DNAH1: variants seen among roughly 807,000 people sequenced by gnomAD.
DNAH1 encodes the protein dynein axonemal heavy chain 1, also known as axonemal beta dynein heavy chain 1.
DNAH1 carries 327 observed loss-of-function variants against 484.3 expected under a neutral mutation model. The ratio of observed to expected loss-of-function variants is 0.68; its 90% CI spans 0.62 to 0.74. DNAH1 has a LOEUF of 0.74. Among genes scored for constraint, DNAH1 ranks in the 30% least tolerant of loss-of-function variants. DNAH1 has a pLI of 0.00. For missense variants in DNAH1, 5,052 were observed against 5,546.8 expected (o/e 0.91, Z 2.83); for synonymous variants, 2,192 against 2,191.9 (o/e 1.00, Z 0.00).
chr3:52,388,541 A>G lies in DNAH1; in HGVS notation c.9295A>G (p.Ile3099Val), dbSNP rs749320034. Reference protein sequence around the residue: ...ATMQAKYRECITKKEELELKC... With the variant: ...ATMQAKYRECVTKKEELELKC... ...AATGCAGGCTAAGTACCGGGAATGC[A>G]TTACCAAGAAGGAGGAGCTGGAGCT... is the stretch of plus-strand genomic sequence containing the variant. Residue 3099 changes from isoleucine to valine, a missense_variant, in exon 58 of 78, where the codon ATT (isoleucine) becomes GTT (valine). Physicochemically the swap from Ile to Val is conservative, Grantham distance 29 (BLOSUM62 3). Coordinates refer to ENST00000420323, the MANE Select transcript of DNAH1 (RefSeq NM_015512.5). The G allele has an allele frequency of 4.3e-6, 7 of 1,613,152 alleles. No homozygotes were observed. The highest frequency in any genetic ancestry group is 1.6e-4 in the Middle Eastern group (1 of 6,062).
At chr3:52,385,058 C>T in intron 53 of DNAH1, 81 bp downstream of exon 53, 1 of 1,445,214 alleles carries the variant, frequency 6.9e-7, no homozygotes, top group Non-Finnish European at 9.3e-7. Flanking sequence ...CAGGGTGACA[C>T]CATGCTCCGC....
chr3:52,391,686 A>T, intron 63 of DNAH1, 83 bp downstream of exon 63: 1 of 1,529,898 alleles, frequency 6.5e-7, no homozygotes, highest in Non-Finnish European at 8.9e-7. Flanking sequence ...CCAGGCCGGG[A>T]GTCAGTGGGA....
At position 52,331,265 on chromosome 3, in the gene DNAH1, A is replaced by G; in HGVS notation, c.989A>G (p.Asp330Gly). 1 of 1,611,272 alleles carries G rather than the reference A, an allele frequency of 6.2e-7. No individual in the cohort carries two copies. The highest frequency in any genetic ancestry group is 8.5e-7 in the Non-Finnish European group (1 of 1,178,832). Residue 330 changes from aspartate (D) to glycine (G), a missense_variant, in exon 7 of 78, where the codon GAT becomes GGT. Physicochemically the swap from Asp to Gly is moderately conservative, Grantham distance 94. Coordinates refer to ENST00000420323, the MANE Select transcript of DNAH1 (RefSeq NM_015512.5). ...HKTDEKGLVR[D>G]EMGRPILNAG... ...ACAGACGAGAAAGGCCTGGTGCGAG[A>G]TGAGATGGGGAGGCCCATCCTGAAT...
chr3:52,400,244 G>A, intron 77 of DNAH1, 81 bp from the exon 78 acceptor site: 5 of 1,572,548 alleles, frequency 3.2e-6, no homozygotes, highest in East Asian at 2.3e-5. Flanking sequence ...AGCTTAGTCT[G>A]CCCACTGCCC....
chr3:52,359,195 G>A, intron 25 of DNAH1, 51 bp from the exon 26 acceptor site: 2 of 1,539,146 alleles, frequency 1.3e-6, no homozygotes, highest in East Asian at 2.4e-5. Flanking sequence ...AAGAAAGAAT[G>A]GGATTGGGGC....
Position 52,395,327 on chromosome 3 carries a change from T to C in DNAH1, c.10988T>C (p.Val3663Ala), listed in dbSNP as rs1162306739. 10 of 1,613,444 alleles carry C rather than the reference T, an allele frequency of 6.2e-6. No homozygotes were observed. The highest frequency in any genetic ancestry group is 7.6e-6 in the Non-Finnish European group (9 of 1,179,802). The change falls in exon 69 of 78, where the codon GTG (valine) becomes GCG (alanine). Residue 3663 changes from valine (V) to alanine (A), a missense_variant. Val to Ala is a moderately conservative substitution (Grantham distance 64). Transcript: ENST00000420323. This position sits in a 1 kb window ranked among gnomAD's most constrained non-coding sequence, Gnocchi z 4.4. ...IEPQTANLSV[V>A]FKDSNSTTPL... is the part of the protein sequence containing the mutation. ...TTGCAGACAGCCAATCTGTCAGTGG[T>C]GTTCAAAGACTCCAACTCCACCACA...
At chr3:52,373,982 T>A (rs927109692) in intron 44 of DNAH1, 2 of 1,164,302 alleles carry the variant, frequency 1.7e-6, no homozygotes, top group East Asian at 4.7e-5. Flanking sequence ...TGAATTTTTC[T>A]TAAGATTTTT....
intron 16 of DNAH1, among the ~76,000 whole-genome samples, chr3:52,351,099 C>T (rs34908451): frequency 0.18 from 27,227 of 152,166 alleles, 2,761 homozygotes; most frequent in African/African-American, 0.26. Flanking sequence ...ATCCACCCGC[C>T]GCGCCCTCCC....
Position 52,358,481 on chromosome 3 carries a change from T to C in DNAH1, c.4087-77T>C. The C allele has an allele frequency of 6.9e-7, 1 of 1,459,478 alleles. No homozygotes were observed. The highest frequency in any genetic ancestry group is 9.2e-7 in the Non-Finnish European group (1 of 1,085,708). 90.4% of individuals were successfully genotyped at this position (1,459,478 alleles called of 1,614,324 possible). ...TTGAGGTGGAGGGCACCGGGCAGGC[T>C]TAGCGCTGGGGCTGTGGTGGCCAGG... On this transcript the variant is annotated intron_variant, in intron 24 of 77. Coordinates refer to ENST00000420323, the MANE Select transcript of DNAH1 (RefSeq NM_015512.5). This position sits in a 1 kb window ranked among gnomAD's most constrained non-coding sequence, Gnocchi z 4.2.
upstream of DNAH1, among the ~76,000 whole-genome samples, chr3:52,314,008 G>A (rs1260311463): frequency 6.6e-6 from 1 of 152,182 alleles, no homozygotes; most frequent in Non-Finnish European, 1.5e-5. Context: ...TGGCAGTCTG[G>A]TCCCCAAAGT....
At chr3:52,311,891 C>A (rs1432605135), upstream of DNAH1, among the ~76,000 whole-genome samples, 1 of 152,226 alleles carries the variant, frequency 6.6e-6, no homozygotes, top group African/African-American at 2.4e-5. Flanking sequence ...GCCGGGCATA[C>A]AATGGCAACC....
intron 8 of DNAH1, among the ~76,000 whole-genome samples, chr3:52,339,768 G>T (rs1009000725): frequency 6.7e-6 from 1 of 149,410 alleles, no homozygotes; most frequent in Non-Finnish European, 1.5e-5. Flanking sequence ...AGTTTTTTTT[G>T]TTTGTTTGTT....
rs1183704347 is a variant in DNAH1 at position 52,358,597 on chromosome 3, T to G, written c.4126T>G (p.Ser1376Ala). The G allele has an allele frequency of 1.3e-5, 21 of 1,612,728 alleles. No homozygotes were observed. Among genetic ancestry groups the G allele is most frequent in the Non-Finnish European group, 1.7e-5 (20 of 1,179,592 alleles). The change falls in exon 25 of 78, where the codon TCA becomes GCA. Residue 1376 changes from serine to alanine, a missense_variant. By Grantham distance (99) the Ser-to-Ala change is moderately conservative. Coordinates refer to ENST00000420323, the MANE Select transcript of DNAH1 (RefSeq NM_015512.5). The surrounding 1 kb of genome is among the most constrained non-coding windows in gnomAD (Gnocchi z 4.2). Reference sequence around the variant, plus strand: ...GGACCTGGAGATCACGCACATGTACTCAGCCGAGGGGGAGGAGGTACAGTT... The same window carrying G: ...GGACCTGGAGATCACGCACATGTACGCAGCCGAGGGGGAGGAGGTACAGTT... ...QEDLEITHMY[S>A]AEGEEVQLCF...
Position 52,349,216 on chromosome 3 carries a change from G to A in DNAH1, c.2322G>A (p.Leu774=), listed in dbSNP as rs778972763. 7.4e-6 allele frequency: 12 copies of A among 1,613,732 alleles called. No homozygotes were observed. Among genetic ancestry groups the A allele is most frequent in the Non-Finnish European group, 1.0e-5 (12 of 1,179,748 alleles). ...TCAGAACCTACCAGACGCAGGGCCTGTTGGCCCAGGAGGTGCGGGAGGTAG... is the reference window on the plus strand; with the variant it reads ...TCAGAACCTACCAGACGCAGGGCCTATTGGCCCAGGAGGTGCGGGAGGTAG... ...SFLKTYQTQG[L]LAQEVREVVL... is the part of the protein sequence containing the mutation. Residue 774 remains leucine (L), a synonymous_variant, in exon 14 of 78, where the codon CTG becomes CTA. Transcript: ENST00000420323.
chr3:52,311,275 T>G, the DNAH1 span, among the ~76,000 whole-genome samples: 1 of 152,250 alleles, frequency 6.6e-6, no homozygotes, highest in African/African-American at 2.4e-5. Flanking sequence ...GCTCTGCCAC[T>G]GGCTCACTGT....
In DNAH1 at chr3:52,352,669, A is replaced by G. The variant is rs2153224041; in HGVS notation, c.2989A>G (p.Asn997Asp). 2 of 1,612,716 alleles carry G rather than the reference A, an allele frequency of 1.2e-6. No individual in the cohort carries two copies. Among genetic ancestry groups the G allele is most frequent in the South Asian group, 2.2e-5 (2 of 91,040 alleles). ...CTGCCAGCAGCTGGCCATGCTCTAC[A>G]ACAACCGCGAGCGCATCTTCAGCTT... is the stretch of plus-strand genomic sequence containing the variant. Reference protein sequence around the residue: ...KDCQQLAMLYNNRERIFSLPI... With the variant: ...KDCQQLAMLYDNRERIFSLPI... Residue 997 changes from asparagine to aspartate, a missense_variant, in exon 18 of 78, where the codon AAC becomes GAC. By Grantham distance (23) the Asn-to-Asp change is conservative (BLOSUM62 1). This residue lies in a region of DNAH1 where 2,929 missense variants were observed against 3,409.4 expected (regional missense o/e 0.86). Coordinates refer to ENST00000420323, the MANE Select transcript of DNAH1 (RefSeq NM_015512.5).
rs1040588965 is a variant in DNAH1, at chr3:52,385,124, A to G, written c.8514+147A>G. 5.7e-5 allele frequency: 65 copies of G among 1,147,830 alleles called. 2 individuals carry two copies. The South Asian group carries it at 1.0e-3, about 18-fold the overall frequency. 71.1% of individuals were successfully genotyped at this position (1,147,830 alleles called of 1,614,324 possible). ...GGGTGGCTTCCCCCCTCATCAAAAG[A>G]ACAAAAGTTGCCAGTCAAGGGCCAG... On this transcript the variant is annotated intron_variant, in intron 53 of 77. Coordinates refer to ENST00000420323, the MANE Select transcript of DNAH1 (RefSeq NM_015512.5).
At position 52,397,852 on chromosome 3, in the gene DNAH1, C is replaced by T. The variant is rs1704705702; in HGVS notation, c.11933C>T (p.Ser3978Phe). Residue 3978 changes from serine to phenylalanine, a missense_variant, in exon 74 of 78, where the codon TCT (serine) becomes TTT (phenylalanine). By Grantham distance (155) the Ser-to-Phe change is radical (BLOSUM62 -2). Transcript: ENST00000420323. Reference sequence around the variant, plus strand: ...ATCCAGCTGCAACCCAAATCATCTTCTGCAGGCAGCCAGGGCCGGGAGGAG... The same window carrying T: ...ATCCAGCTGCAACCCAAATCATCTTTTGCAGGCAGCCAGGGCCGGGAGGAG... ...TIIQLQPKSS[S>F]AGSQGREEIV... The T allele has an allele frequency of 6.2e-7, 1 of 1,608,638 alleles. No homozygotes were observed. The highest frequency in any genetic ancestry group is 1.3e-5 in the African/African-American group (1 of 74,824).
Position 52,316,485 on chromosome 3 carries a change from A to G in DNAH1, c.-95A>G, listed in dbSNP as rs1352341188. ...ACTGAGTACCTGTGTGAATGCCAAC[A>G]AGAAAAATAAAACCACAGTTTGGAT... On this transcript the variant is annotated 5_prime_UTR_variant, in exon 1 of 78. Transcript: ENST00000420323. The G allele has an allele frequency of 6.6e-6, 1 of 152,222 alleles. No individual in the cohort carries two copies. The highest frequency in any genetic ancestry group is 1.5e-5 in the Non-Finnish European group (1 of 68,054). 9.4% of individuals were successfully genotyped at this position (152,222 alleles called of 1,614,324 possible). A position where few individuals can be genotyped will look rare whatever the true frequency, so the allele number is the denominator to read the frequency against.
Sources: allele counts gnomAD v4.1 joint callset (sites outside exome capture counted in the v4.1 genomes callset), GRCh38; gene constraint gnomAD v4.1.1; regional missense constraint gnomAD v4.1.1; non-coding constraint Gnocchi (gnomAD v3.1); transcripts MANE v1.5; gene names NCBI Gene and HGNC (gene_info 2026-07-23, HGNC 2026-07-21).